PLA2G12B: variants seen among roughly 807,000 people sequenced by gnomAD.
The protein encoded by PLA2G12B is phospholipase A2 group XIIB, also known as group XIIB secretory phospholipase A2-like protein.
PLA2G12B carries 19 observed loss-of-function variants against 22.3 expected under a neutral mutation model. That is an observed-to-expected ratio of 0.85 (90% confidence interval 0.60 to 1.25). The LOEUF (loss-of-function observed/expected upper bound fraction) is 1.25. PLA2G12B is among the 50% of genes most tolerant of loss of function. PLA2G12B has a pLI of 0.00. For missense variants in PLA2G12B, 191 were observed against 246.6 expected (o/e 0.77, Z 1.51); for synonymous variants, 81 against 94.9 (o/e 0.85, Z 0.85).
intron 3 of PLA2G12B, 88 bp downstream of exon 3, chr10:72,941,081 T>G: frequency 7.3e-7 from 1 of 1,362,926 alleles, no homozygotes; most frequent in Non-Finnish European, 1.0e-6. Flanking sequence ...TCTGATGATC[T>G]CTTCGAGTCA....
rs373706341 is a variant in PLA2G12B at position 72,954,443 on chromosome 10, A to G, written c.211+32T>C. 32 of 1,613,870 alleles carry G rather than the reference A, an allele frequency of 2.0e-5. No homozygotes were observed. In the African/African-American group the frequency reaches 4.1e-4, roughly 21 times the overall value. Reference sequence around the variant, plus strand: ...GGCTGTCCATGGGTCCACCAGCAACAGTTTTTACAGAAAGAGAAACCGCAC... The same window carrying G: ...GGCTGTCCATGGGTCCACCAGCAACGGTTTTTACAGAAAGAGAAACCGCAC... On this transcript the variant is annotated intron_variant, in intron 1 of 3. Coordinates refer to ENST00000373032, the MANE Select transcript of PLA2G12B (RefSeq NM_032562.5).
intron 3 of PLA2G12B, among the ~76,000 whole-genome samples, chr10:72,938,660 C>T (rs1157990658): frequency 6.6e-6 from 1 of 152,092 alleles, no homozygotes; most frequent in Admixed American, 6.5e-5. Context: ...ACTATAAACA[C>T]ATTGTTGAAA....
chr10:72,938,410 G>T (rs367748618), intron 3 of PLA2G12B, among the ~76,000 whole-genome samples: 2 of 151,690 alleles, frequency 1.3e-5, no homozygotes, highest in African/African-American at 4.8e-5. Context: ...ATATGCAGAT[G>T]GCATTATCTT....
At chr10:72,946,042 G>T (rs891952070) in intron 1 of PLA2G12B, among the ~76,000 whole-genome samples, 1 of 152,078 alleles carries the variant, frequency 6.6e-6, no homozygotes, top group Non-Finnish European at 1.5e-5. Flanking sequence ...CATTTAATGT[G>T]TACGATTCAA....
At chr10:72,938,115 GAAA>G (rs78360766) in intron 3 of PLA2G12B, among the ~76,000 whole-genome samples, 4 of 59,106 alleles carry the variant, frequency 6.8e-5, no homozygotes, top group African/African-American at 1.3e-4. Context: ...CTCCATCTCA[GAAA>G]AAAAAAAAAA....
intron 1 of PLA2G12B, among the ~76,000 whole-genome samples, chr10:72,950,134 A>T (rs900180019): frequency 6.6e-6 from 1 of 152,220 alleles, no homozygotes; most frequent in African/African-American, 2.4e-5. Flanking sequence ...AGTCACTAAA[A>T]CAGATTAAGT....
At chr10:72,938,188 A>G (rs1846307748) in intron 3 of PLA2G12B, among the ~76,000 whole-genome samples, 2 of 152,086 alleles carry the variant, frequency 1.3e-5, no homozygotes, top group Admixed American at 1.3e-4. Context: ...GGAAAAGAGG[A>G]GAACTCCCAC....
chr10:72,946,922 CTTTTTT>C (rs971582524), intron 1 of PLA2G12B, among the ~76,000 whole-genome samples: 9 of 143,224 alleles, frequency 6.3e-5, no homozygotes, highest in Non-Finnish European at 1.1e-4. Flanking sequence ...TTTTCATCTT[CTTTTTT>C]TTTTTTAAGA....
intron 1 of PLA2G12B, among the ~76,000 whole-genome samples, chr10:72,950,636 C>T (rs1007509590): frequency 5.3e-5 from 8 of 152,074 alleles, no homozygotes; most frequent in Admixed American, 1.3e-4. Context: ...CGCGCCACCA[C>T]GCCCGGCTAA....
At chr10:72,942,149 GGTGTGTGT>G (rs34740594) in intron 2 of PLA2G12B, among the ~76,000 whole-genome samples, 43 of 136,034 alleles carry the variant, frequency 3.2e-4, no homozygotes, top group African/African-American at 6.8e-4. Flanking sequence ...CAGGGCGTCG[GGTGTGTGT>G]GTGTGTGTGT....
At chr10:72,953,384 G>A (rs887084331) in intron 1 of PLA2G12B, among the ~76,000 whole-genome samples, 1 of 152,112 alleles carries the variant, frequency 6.6e-6, no homozygotes, top group Non-Finnish European at 1.5e-5. Flanking sequence ...GGTGAGTCCG[G>A]GAAGTATGTA....
chr10:72,947,927 A>G (rs1263710455), intron 1 of PLA2G12B, among the ~76,000 whole-genome samples: 3 of 151,982 alleles, frequency 2.0e-5, no homozygotes, highest in African/African-American at 4.8e-5. Flanking sequence ...GTAGCCCCAC[A>G]CTCAAGATAG....
intron 1 of PLA2G12B, among the ~76,000 whole-genome samples, chr10:72,950,543 C>T (rs1478290310): frequency 6.6e-6 from 1 of 152,182 alleles, no homozygotes; most frequent in Non-Finnish European, 1.5e-5. Context: ...TGCAATGGCA[C>T]GATCTCGGCT....
intron 3 of PLA2G12B, among the ~76,000 whole-genome samples, chr10:72,937,917 C>G (rs1343144311): frequency 1.3e-5 from 2 of 152,038 alleles, no homozygotes; most frequent in East Asian, 3.9e-4. Flanking sequence ...GAGTTCCAGA[C>G]CAGCCTGACA....
intron 3 of PLA2G12B, among the ~76,000 whole-genome samples, chr10:72,939,052 G>A (rs571267207): frequency 1.3e-5 from 2 of 152,334 alleles, no homozygotes; most frequent in South Asian, 2.1e-4. Context: ...TCTAGAGGTA[G>A]AAAGTAGATT....
chr10:72,937,022 T>C (rs1299181370), intron 3 of PLA2G12B, among the ~76,000 whole-genome samples: 4 of 152,106 alleles, frequency 2.6e-5, no homozygotes, highest in Non-Finnish European at 4.4e-5. Flanking sequence ...CCATCCTGGC[T>C]AACACGGTGA....
chr10:72,946,602 G>A (rs1363084076), intron 1 of PLA2G12B, among the ~76,000 whole-genome samples: 1 of 152,186 alleles, frequency 6.6e-6, no homozygotes, highest in South Asian at 2.1e-4. Context: ...ACTAACACTT[G>A]CTATTGTCTG....
intron 1 of PLA2G12B, among the ~76,000 whole-genome samples, chr10:72,951,017 A>G (rs1846522480): frequency 6.6e-6 from 1 of 152,166 alleles, no homozygotes; most frequent in African/African-American, 2.4e-5. Context: ...GTTGAAAGAG[A>G]GCTAGAAGAA....
At chr10:72,950,759 AG>A (rs1323083206) in intron 1 of PLA2G12B, among the ~76,000 whole-genome samples, 2 of 152,224 alleles carry the variant, frequency 1.3e-5, no homozygotes, top group Admixed American at 6.5e-5. Flanking sequence ...GGATTACAAT[AG>A]ACAGATATTT....
Sources: allele counts gnomAD v4.1 joint callset (sites outside exome capture counted in the v4.1 genomes callset), GRCh38; gene constraint gnomAD v4.1.1; transcripts MANE v1.5; gene names NCBI Gene and HGNC (gene_info 2026-07-23, HGNC 2026-07-21).